Variants in MTPN observed in about 807,000 individuals in gnomAD.
The protein encoded by MTPN is granule cell differentiation protein.
In MTPN, 2 loss-of-function variants were observed where a neutral mutation model predicts 13.5. That is an observed-to-expected ratio of 0.15 (90% CI 0.06 to 0.47). The LOEUF is 0.47. Among genes scored for constraint, MTPN ranks in the 20% least tolerant of loss-of-function variants. MTPN has a pLI of 0.97. For synonymous variants in MTPN, 46 were observed against 51.7 expected, an observed-to-expected ratio of 0.89 and a Z score of 0.48; for missense variants, 79 against 137.9, an observed-to-expected ratio of 0.57 and a Z score of 2.14.
chr7:135,947,052 T>C (rs1009284830), intron 3 of MTPN, among the ~76,000 whole-genome samples: 1 of 152,178 alleles, frequency 6.6e-6, no homozygotes, highest in Admixed American at 6.5e-5. Flanking sequence ...ACCAGAAGCT[T>C]TGATCATCTC....
At position 135,971,907 on chromosome 7, in the gene MTPN, T is replaced by A. The variant is rs182808233; in HGVS notation, c.72+5122A>T. On this transcript the variant is annotated intron_variant, in intron 1 of 3. Transcript: ENST00000393085. ...ACATAAATTATAAGGTTAGATTATA[T>A]GTGACCATAAATACAAAACATTCTG... Among the ~76,000 whole-genome samples the A allele has an allele frequency of 4.6e-3, 696 of 152,334 alleles. 3 individuals carry two copies. The highest frequency in any genetic ancestry group is 9.7e-3 in the Admixed American group (148 of 15,302).
At chr7:135,935,044 A>C (rs1260140020) in intron 3 of MTPN, among the ~76,000 whole-genome samples, 1 of 152,148 alleles carries the variant, frequency 6.6e-6, no homozygotes, top group Non-Finnish European at 1.5e-5. Flanking sequence ...CTTTTCCTAT[A>C]AACCTTGCTC....
At chr7:135,935,314 C>T (rs1283856893) in intron 3 of MTPN, among the ~76,000 whole-genome samples, 1 of 152,154 alleles carries the variant, frequency 6.6e-6, no homozygotes, top group East Asian at 1.9e-4. Flanking sequence ...CCTCGGCTCA[C>T]TGCAACCTCC....
At chr7:135,930,289 G>C (rs1469906726) in intron 3 of MTPN, among the ~76,000 whole-genome samples, 1 of 152,170 alleles carries the variant, frequency 6.6e-6, no homozygotes, top group African/African-American at 2.4e-5. Flanking sequence ...AGAGCACGTT[G>C]AGCAAGTTAG....
At chr7:135,969,233 TATAATAA>T (rs1799654927) in intron 1 of MTPN, among the ~76,000 whole-genome samples, 1 of 69,046 alleles carries the variant, frequency 1.4e-5, no homozygotes, top group Non-Finnish European at 2.9e-5. Context: ...AAACTTAAAG[TATAATAA>T]AAAAAAAAAA....
intron 3 of MTPN, among the ~76,000 whole-genome samples, chr7:135,937,336 C>CTA (rs927581029): frequency 4.6e-5 from 7 of 150,738 alleles, no homozygotes; most frequent in South Asian, 4.2e-4. Flanking sequence ...ATTAGCACTT[C>CTA]TATATATATA....
rs1249702124 is a variant in MTPN at position 135,977,130 on chromosome 7, G to A, written c.-30C>T. 6.2e-7 allele frequency: 1 copy of A among 1,612,710 alleles called. No individual in the cohort carries two copies. Among genetic ancestry groups the A allele is most frequent in the Admixed American group, 1.7e-5 (1 of 60,026 alleles). ...GCAGCGGGGCAGGCCGGTTGGCCGG[G>A]CAGAAGATGAGGAGGCGGTGGCAGC... is the stretch of plus-strand genomic sequence containing the variant. On this transcript the variant is annotated 5_prime_UTR_variant, in exon 1 of 4. Transcript: ENST00000393085.
At chr7:135,970,828 T>C (rs1799682792) in intron 1 of MTPN, among the ~76,000 whole-genome samples, 1 of 152,176 alleles carries the variant, frequency 6.6e-6, no homozygotes, top group Admixed American at 6.5e-5. Context: ...CTCTGTCTAC[T>C]GAGGGCACCT....
intron 1 of MTPN, among the ~76,000 whole-genome samples, chr7:135,969,293 TAAAC>T (rs1226370539): frequency 4.7e-5 from 7 of 149,820 alleles, no homozygotes; most frequent in Non-Finnish European, 8.9e-5. Flanking sequence ...GAAAAAATAT[TAAAC>T]AAAATAATAT....
intron 3 of MTPN, among the ~76,000 whole-genome samples, chr7:135,948,709 T>C (rs75367137): frequency 0.018 from 2,768 of 152,298 alleles, 98 homozygotes; most frequent in East Asian, 0.18. Flanking sequence ...GGGTTCTCTA[T>C]AGAATAAAAA....
At chr7:135,945,626 T>C (rs1039333836) in intron 3 of MTPN, among the ~76,000 whole-genome samples, 3 of 152,210 alleles carry the variant, frequency 2.0e-5, no homozygotes, top group African/African-American at 7.2e-5. Flanking sequence ...AGAGAATACA[T>C]GGAGCTGTCA....
chr7:135,951,639 A>G lies in MTPN; in HGVS notation c.73-9T>C. Reference sequence around the variant, plus strand: ...CGGTTGACATCTTCTCCCTGATAAGAAAACCAAATGAAAACAATATTTATA... The same window carrying G: ...CGGTTGACATCTTCTCCCTGATAAGGAAACCAAATGAAAACAATATTTATA... On this transcript the variant is annotated splice_polypyrimidine_tract_variant and intron_variant, in intron 1 of 3. Coordinates refer to ENST00000393085, the MANE Select transcript of MTPN (RefSeq NM_145808.4). The G allele has an allele frequency of 1.9e-6, 3 of 1,585,182 alleles. No homozygotes were observed. The highest frequency in any genetic ancestry group is 1.7e-6 in the Non-Finnish European group (2 of 1,157,066).
chr7:135,967,029 AAGTG>A (rs1348677018), intron 1 of MTPN, among the ~76,000 whole-genome samples: 1 of 152,280 alleles, frequency 6.6e-6, no homozygotes, highest in East Asian at 1.9e-4. Flanking sequence ...GCCACTATTC[AAGTG>A]ACTAAATGGT....
Position 135,977,261 on chromosome 7 carries a change from C to A in MTPN, c.-161G>T. ...GCCAGGCGGGCGAGGCAGTTGGCCG[C>A]GGCGACCGTTCGGGCGGGAGAAAGA... On this transcript the variant is annotated 5_prime_UTR_variant, in exon 1 of 4. Transcript: ENST00000393085. 1 of 701,966 alleles carries A rather than the reference C, an allele frequency of 1.4e-6. No homozygotes were observed. Among genetic ancestry groups the A allele is most frequent in the Non-Finnish European group, 2.5e-6 (1 of 406,950 alleles). The allele number at this position is 701,966 out of a possible 1,614,324, so 43.5% of individuals were successfully genotyped here. A position where few individuals can be genotyped will look rare whatever the true frequency, so the allele number is the denominator to read the frequency against.
chr7:135,936,967 A>G (rs541414767), intron 3 of MTPN, among the ~76,000 whole-genome samples: 2 of 152,360 alleles, frequency 1.3e-5, no homozygotes, highest in African/African-American at 4.8e-5. Context: ...AAGTCATGCT[A>G]TCTCCACCCA....
chr7:135,953,125 C>T (rs1799389408), intron 1 of MTPN, among the ~76,000 whole-genome samples: 1 of 152,152 alleles, frequency 6.6e-6, no homozygotes, highest in Non-Finnish European at 1.5e-5. Context: ...CTCCCCTTCC[C>T]CTTTGTCACT....
intron 1 of MTPN, among the ~76,000 whole-genome samples, chr7:135,959,983 G>C (rs2116391611): frequency 6.6e-6 from 1 of 151,962 alleles, no homozygotes; most frequent in East Asian, 1.9e-4. Context: ...TTATTAAATG[G>C]TTTATTCTAA....
intron 1 of MTPN, among the ~76,000 whole-genome samples, chr7:135,968,600 C>A (rs1799640820): frequency 6.6e-6 from 1 of 152,036 alleles, no homozygotes; most frequent in African/African-American, 2.4e-5. Context: ...TATCTAAACA[C>A]ACTTCCTCTG....
chr7:135,953,985 A>C (rs949163131), intron 1 of MTPN, among the ~76,000 whole-genome samples: 3 of 152,196 alleles, frequency 2.0e-5, no homozygotes, highest in Non-Finnish European at 4.4e-5. Flanking sequence ...ATGTATATAT[A>C]TAATGTCTAT....
Sources: allele counts gnomAD v4.1 joint callset (sites outside exome capture counted in the v4.1 genomes callset), GRCh38; gene constraint gnomAD v4.1.1; transcripts MANE v1.5; gene names NCBI Gene and HGNC (gene_info 2026-07-23, HGNC 2026-07-21).